The following PRDM11 variants were observed in gnomAD, a reference collection of about 807,000 sequenced individuals.
PRDM11 encodes PR/SET domain 11.
A neutral mutation model predicts 97.8 loss-of-function variants in PRDM11; 20 were observed. The observed-to-expected ratio is 0.20, with a 90% CI of 0.14 to 0.30. PRDM11 has a LOEUF of 0.30. Ranked by LOEUF, PRDM11 falls within the 10% of genes least tolerant of loss-of-function variation. The pLI, the probability that PRDM11 is intolerant of heterozygous loss-of-function variation, is 1.00. For synonymous variants in PRDM11, 599 were observed against 637.7 expected (o/e 0.94, Z 0.91); for missense variants, 1,139 against 1,555.2 (o/e 0.73, Z 4.50).
At chr11:45,095,374 C>T (rs1851875049), upstream of PRDM11, among the ~76,000 whole-genome samples, 1 of 152,188 alleles carries the variant, frequency 6.6e-6, no homozygotes, top group South Asian at 2.1e-4. Context: ...CATCCCCTGA[C>T]ATTTGGCCTT....
In PRDM11 at chr11:45,146,746, G is replaced by A. The variant is rs1565262265; in HGVS notation, c.-138G>A. 6.7e-6 allele frequency: 1 copy of A among 148,380 alleles called. No individual in the cohort carries two copies. Among genetic ancestry groups the A allele is most frequent in the Non-Finnish European group, 1.5e-5 (1 of 66,782 alleles). 9.2% of individuals were successfully genotyped at this position (148,380 alleles called of 1,614,324 possible). A position where few individuals can be genotyped will look rare whatever the true frequency, so the allele number is the denominator to read the frequency against. ...GGCGCTGAAACTTTGCCTCGCCGGG[G>A]ACCAGCGCGCCCGCAGCGCGGCCGC... On this transcript the variant is annotated 5_prime_UTR_variant, in exon 1 of 8. Coordinates refer to ENST00000683152, the MANE Select transcript of PRDM11 (RefSeq NM_001384648.1).
intron 1 of PRDM11, among the ~76,000 whole-genome samples, chr11:45,130,894 T>C (rs1166787835): frequency 3.3e-5 from 5 of 152,144 alleles, no homozygotes; most frequent in African/African-American, 1.2e-4. Flanking sequence ...GCAATTTGAA[T>C]TGTAGGTAAC....
At chr11:45,186,598 C>T (rs750076872) in intron 4 of PRDM11, among the ~76,000 whole-genome samples, 4 of 151,992 alleles carry the variant, frequency 2.6e-5, no homozygotes, top group Non-Finnish European at 5.9e-5. Flanking sequence ...GTCTCCTTGG[C>T]CCCCTTGGCA....
chr11:45,212,650 C>T, intron 5 of PRDM11: 2 of 456,248 alleles, frequency 4.4e-6, no homozygotes, highest in Non-Finnish European at 8.8e-6. Flanking sequence ...CGCCCCAGGC[C>T]CAGGCTGCCT....
In PRDM11 at chr11:45,228,687, G is replaced by C. The variant is rs1485756954; in HGVS notation, c.*528G>C. 3 of 152,130 alleles carry C rather than the reference G, an allele frequency of 2.0e-5. No individual in the cohort carries two copies. Among genetic ancestry groups the C allele is most frequent in the Admixed American group, 6.5e-5 (1 of 15,274 alleles). 9.4% of individuals were successfully genotyped at this position (152,130 alleles called of 1,614,324 possible). ...TCAGATCTCTGACTTAAGTCAGGGT[G>C]GGTTGTCTGTCTGCATTTGGGAGGC... On this transcript the variant is annotated 3_prime_UTR_variant, in exon 8 of 8. Coordinates refer to ENST00000683152, the MANE Select transcript of PRDM11 (RefSeq NM_001384648.1).
At chr11:45,116,535 T>C (rs191759480) in intron 1 of PRDM11, among the ~76,000 whole-genome samples, 9 of 152,322 alleles carry the variant, frequency 5.9e-5, no homozygotes, top group Non-Finnish European at 1.2e-4. Flanking sequence ...TATCTTTAAA[T>C]AACTCCTTGG....
intron 1 of PRDM11, among the ~76,000 whole-genome samples, chr11:45,119,965 A>G (rs1046181148): frequency 1.2e-4 from 18 of 152,368 alleles, no homozygotes; most frequent in African/African-American, 4.3e-4. Context: ...AGCCATGATC[A>G]GCATGTGAAA....
upstream of PRDM11, chr11:45,146,621 C>CT (rs1851514494): frequency 6.6e-6 from 1 of 152,184 alleles, no homozygotes; most frequent in Non-Finnish European, 1.5e-5. Context: ...CCAAACGCCG[C>CT]TTTCTTCCGT....
At chr11:45,103,469 G>A (rs1288268720) in intron 1 of PRDM11, among the ~76,000 whole-genome samples, 6 of 152,106 alleles carry the variant, frequency 3.9e-5, no homozygotes, top group African/African-American at 9.7e-5. Context: ...AGGCCCTACC[G>A]TTTTGCAGCT....
chr11:45,126,714 T>A (rs1055686715), intron 1 of PRDM11, among the ~76,000 whole-genome samples: 9 of 152,254 alleles, frequency 5.9e-5, no homozygotes, highest in Non-Finnish European at 8.8e-5. Flanking sequence ...CCACTGTTAG[T>A]CTGATGGGCT....
At position 45,212,127 on chromosome 11, in the gene PRDM11, A is replaced by G. The variant is rs116524150; in HGVS notation, c.554+7349A>G. Among the ~76,000 whole-genome samples the G allele has an allele frequency of 6.9e-3, 1,056 of 152,350 alleles. 14 individuals are homozygous for G. Among genetic ancestry groups the G allele is most frequent in the African/African-American group, 0.024 (1,013 of 41,580 alleles). On this transcript the variant is annotated intron_variant, in intron 5 of 7. Coordinates refer to ENST00000683152, the MANE Select transcript of PRDM11 (RefSeq NM_001384648.1). ...GACAGGGCAGTCGTTATCATTGCAG[A>G]AAGTGAGGTGCAGAGAGATGAACTG...
At chr11:45,202,001 G>T (rs1590438721) in intron 4 of PRDM11, among the ~76,000 whole-genome samples, 1 of 152,082 alleles carries the variant, frequency 6.6e-6, no homozygotes, top group South Asian at 2.1e-4. Context: ...TAGAGACAGG[G>T]TCTCGCTATG....
chr11:45,208,106 A>G (rs1853580613), intron 5 of PRDM11, among the ~76,000 whole-genome samples: 1 of 152,188 alleles, frequency 6.6e-6, no homozygotes, highest in African/African-American at 2.4e-5. Flanking sequence ...GTGTCCACCA[A>G]AGTGGAACTT....
At chr11:45,153,409 A>G (rs963120140) in intron 1 of PRDM11, among the ~76,000 whole-genome samples, 1 of 152,250 alleles carries the variant, frequency 6.6e-6, no homozygotes, top group Non-Finnish European at 1.5e-5. Flanking sequence ...TCTCATCTGC[A>G]GAACGGGGGC....
chr11:45,107,671 T>C (rs879894841), intron 1 of PRDM11, among the ~76,000 whole-genome samples: 3 of 152,174 alleles, frequency 2.0e-5, no homozygotes, highest in Non-Finnish European at 2.9e-5. Context: ...CTGTCAGGTT[T>C]GCTGACTGGC....
In PRDM11 at chr11:45,137,490, C is replaced by T. The variant is rs142675472; in HGVS notation, c.96+41589C>T. Among the ~76,000 whole-genome samples the T allele has an allele frequency of 8.6e-5, 13 of 151,726 alleles. 1 individual carries two copies. The East Asian group carries it at 2.5e-3, about 29-fold the overall frequency. ...GGGAGGCTGGGTGTGGCGGCTCATG[C>T]CTGTAATCCCAACACTTTAGGAGGC... On this transcript the variant is annotated intron_variant, in intron 1 of 6. Coordinates refer to the PRDM11 transcript ENST00000530656.
In PRDM11 at chr11:45,224,445, C is replaced by G. The variant is rs1352636007; in HGVS notation, c.971C>G (p.Ala324Gly). 6.2e-7 allele frequency: 1 copy of G among 1,614,206 alleles called. No individual in the cohort carries two copies. The highest frequency in any genetic ancestry group is 8.5e-7 in the Non-Finnish European group (1 of 1,180,044). Reference sequence around the variant, plus strand: ...GCGAAGGTGGAAGCCCACCAGTTGGCCCTGAGCACCTCACTGGTCATCAGG... The same window carrying G: ...GCGAAGGTGGAAGCCCACCAGTTGGGCCTGAGCACCTCACTGGTCATCAGG... The part of the protein sequence containing the change: ...ESAKVEAHQL[A>G]LSTSLVIRKV... The change falls in exon 7 of 8, where the codon GCC becomes GGC. Residue 324 changes from alanine to glycine, a missense_variant. By Grantham distance (60) the Ala-to-Gly change is moderately conservative. Transcript: ENST00000683152.
intron 1 of PRDM11, among the ~76,000 whole-genome samples, chr11:45,097,709 C>T (rs1489969605): frequency 6.6e-6 from 1 of 152,236 alleles, no homozygotes; most frequent in Non-Finnish European, 1.5e-5. Flanking sequence ...GGGCTTAGGA[C>T]CACCTGTAGG....
At chr11:45,095,171 C>T (rs1042886152), upstream of PRDM11, among the ~76,000 whole-genome samples, 1 of 152,146 alleles carries the variant, frequency 6.6e-6, no homozygotes, top group African/African-American at 2.4e-5. Flanking sequence ...CTGGCTGCCT[C>T]CCCCAAAAGA....
Sources: allele counts gnomAD v4.1 joint callset (sites outside exome capture counted in the v4.1 genomes callset), GRCh38; gene constraint gnomAD v4.1.1; transcripts MANE v1.5; gene names NCBI Gene and HGNC (gene_info 2026-07-23, HGNC 2026-07-21).